The following DCAF8L2 variants were observed in gnomAD, a reference collection of about 807,000 sequenced individuals.
The protein encoded by DCAF8L2 is DDB1- and CUL4-associated factor 8-like protein 2.
For missense variants in DCAF8L2, 430 were observed against 490.7 expected (o/e 0.88, Z 1.17); for synonymous variants, 200 against 190.9 (o/e 1.05, Z -0.39).
the DCAF8L2 span, among the ~76,000 whole-genome samples, chrX:27,502,317 TAAAA>T: frequency 0.015 from 211 of 13,955 alleles, 5 homozygotes; most frequent in Middle Eastern, 0.12. Context: ...TGAAACTCTG[TAAAA>T]AAAAAAAAAA....
At chrX:27,724,328 T>G (rs1357238922) in intron 4 of DCAF8L2, among the ~76,000 whole-genome samples, 2 of 111,011 alleles carry the variant, frequency 1.8e-5, no homozygotes, top group Non-Finnish European at 3.8e-5. Context: ...ACTGGATACA[T>G]TTGATGTAAG....
the DCAF8L2 span, among the ~76,000 whole-genome samples, chrX:27,514,362 ACTC>A: frequency 9.6e-6 from 1 of 104,144 alleles, no homozygotes; most frequent in Admixed American, 1.0e-4. Context: ...ATGGAATACT[ACTC>A]AGCCATAAAA....
At chrX:27,526,712 G>C in the DCAF8L2 span, among the ~76,000 whole-genome samples, 1 of 112,539 alleles carries the variant, frequency 8.9e-6, no homozygotes, top group Non-Finnish European at 1.9e-5. Context: ...TGGTGTGGAT[G>C]TCCTTTCTGT....
intron 1 of DCAF8L2, among the ~76,000 whole-genome samples, chrX:27,613,009 G>A (rs1468177851): frequency 9.0e-6 from 1 of 111,651 alleles, no homozygotes; most frequent in Non-Finnish European, 1.9e-5. Context: ...AGCTTGATGA[G>A]GATGGCATTG....
chrX:27,548,066 C>A, the DCAF8L2 span, among the ~76,000 whole-genome samples: 1 of 110,275 alleles, frequency 9.1e-6, no homozygotes, highest in East Asian at 2.9e-4. Context: ...TCAGGTATGT[C>A]TTTATAGCAG....
the DCAF8L2 span, among the ~76,000 whole-genome samples, chrX:27,521,509 C>T: frequency 1.8e-5 from 2 of 112,341 alleles, no homozygotes; most frequent in African/African-American, 6.5e-5. Flanking sequence ...AAAGAAGGAA[C>T]ACTTCAACAG....
At chrX:27,484,684 T>C in the DCAF8L2 span, among the ~76,000 whole-genome samples, 2 of 111,526 alleles carry the variant, frequency 1.8e-5, no homozygotes, top group Non-Finnish European at 3.8e-5. Context: ...TTTTAGATGA[T>C]TCCCTTTTGT....
chrX:27,691,594 T>G (rs1292355662), intron 3 of DCAF8L2, among the ~76,000 whole-genome samples: 1 of 111,926 alleles, frequency 8.9e-6, no homozygotes, highest in African/African-American at 3.2e-5. Context: ...GTGTGGATGT[T>G]ATTATGAAGA....
intron 2 of DCAF8L2, among the ~76,000 whole-genome samples, chrX:27,645,140 T>A (rs371850548): frequency 2.7e-5 from 3 of 111,605 alleles, no homozygotes; most frequent in Non-Finnish European, 3.8e-5. Flanking sequence ...CAGGCCAATA[T>A]CTCTGATGAA....
chrX:27,591,522 C>T (rs1357458429), intron 1 of DCAF8L2, among the ~76,000 whole-genome samples: 1 of 111,600 alleles, frequency 9.0e-6, no homozygotes, highest in Non-Finnish European at 1.9e-5. Flanking sequence ...TTCTCTCTCC[C>T]CACTCTCCTT....
At chrX:27,587,397 CT>C (rs1220900501), upstream of DCAF8L2, among the ~76,000 whole-genome samples, 2 of 111,365 alleles carry the variant, frequency 1.8e-5, no homozygotes. Context: ...TTTGGCTTGG[CT>C]TTTGAAGAAA....
chrX:27,655,823 C>T (rs1052393806), intron 2 of DCAF8L2, among the ~76,000 whole-genome samples: 5 of 111,434 alleles, frequency 4.5e-5, no homozygotes, highest in Non-Finnish European at 9.4e-5. Flanking sequence ...AGTTGGGCAC[C>T]GCATTCAGCT....
the DCAF8L2 span, among the ~76,000 whole-genome samples, chrX:27,514,282 C>CCT: frequency 3.6e-3 from 136 of 37,428 alleles, 20 homozygotes; most frequent in Middle Eastern, 0.011. Context: ...CACATATGTA[C>CCT]ATATGTGTGT....
chrX:27,479,809 T>C, the DCAF8L2 span, among the ~76,000 whole-genome samples: 76 of 112,158 alleles, frequency 6.8e-4, no homozygotes, highest in African/African-American at 2.3e-3. Flanking sequence ...TCCAGTCCCC[T>C]TTCACTATAC....
chrX:27,743,924 G>C (rs949623686), intron 4 of DCAF8L2, among the ~76,000 whole-genome samples: 1 of 107,870 alleles, frequency 9.3e-6, no homozygotes, highest in East Asian at 2.9e-4. Context: ...GTAGAGATGG[G>C]GTTTCACCAT....
At chrX:27,684,948 T>C (rs1354427085) in intron 3 of DCAF8L2, among the ~76,000 whole-genome samples, 2 of 111,455 alleles carry the variant, frequency 1.8e-5, no homozygotes, top group Admixed American at 1.9e-4. Flanking sequence ...CATTTTTCCT[T>C]CTTAGAATGT....
chrX:27,585,432 G>A (rs995895860), upstream of DCAF8L2, among the ~76,000 whole-genome samples: 7 of 111,781 alleles, frequency 6.3e-5, no homozygotes, highest in African/African-American at 2.3e-4. Flanking sequence ...TGTATTGGTA[G>A]TGTTTCCCAG....
chrX:27,493,141 T>C, the DCAF8L2 span, among the ~76,000 whole-genome samples: 3 of 111,033 alleles, frequency 2.7e-5, no homozygotes, highest in Non-Finnish European at 5.7e-5. Context: ...TCAGGGAGGC[T>C]GAGGTGGGAG....
At chrX:27,497,713 C>T in the DCAF8L2 span, among the ~76,000 whole-genome samples, 3,694 of 110,593 alleles carry the variant, frequency 0.033, 146 homozygotes, top group African/African-American at 0.11. Flanking sequence ...GGACTACAGG[C>T]GCGCACCACC....
Sources: allele counts gnomAD v4.1 joint callset (sites outside exome capture counted in the v4.1 genomes callset), GRCh38; gene constraint gnomAD v4.1.1; transcripts MANE v1.5; gene names NCBI Gene and HGNC (gene_info 2026-07-23, HGNC 2026-07-21).